The following ACRBP variants were observed in gnomAD, a reference collection of about 807,000 sequenced individuals.
The protein encoded by ACRBP is acrosin binding protein.
ACRBP carries 52 observed loss-of-function variants against 69.0 expected under a neutral mutation model. That is an observed-to-expected ratio of 0.75 (90% confidence interval 0.60 to 0.95). The LOEUF (loss-of-function observed/expected upper bound fraction) is 0.95, where lower values mean the gene tolerates loss of function less well. Among genes scored for constraint, ACRBP ranks in the 40% least tolerant of loss-of-function variants. ACRBP has a pLI of 0.00. For missense variants in ACRBP, 604 were observed against 673.0 expected (o/e 0.90, Z 1.13); for synonymous variants, 267 against 258.9 (o/e 1.03, Z -0.30).
In ACRBP at chr12:6,638,174, A is replaced by G. The variant is rs1157685669; in HGVS notation, c.*108T>C. 6.7e-7 allele frequency: 1 copy of G among 1,484,682 alleles called. No homozygotes were observed. The highest frequency in any genetic ancestry group is 9.2e-7 in the Non-Finnish European group (1 of 1,089,786). 92.0% of individuals were successfully genotyped at this position (1,484,682 alleles called of 1,614,324 possible). On this transcript the variant is annotated 3_prime_UTR_variant, in exon 10 of 10. Transcript: ENST00000229243. ...TGCTCCAACCCAAGGAAATGTGAGT[A>G]GGGGCCGAGTAACAGACCCAGAAGG...
In ACRBP at chr12:6,640,054, TC is replaced by T; in HGVS notation, c.1425+5del. The T allele has an allele frequency of 6.2e-7, 1 of 1,614,022 alleles. No individual in the cohort carries two copies. The highest frequency in any genetic ancestry group is 8.5e-7 in the Non-Finnish European group (1 of 1,179,972). ...ATGGGGCTGAGCTTTGGGGAAAGGT[TC>T]TAACCTTGGTAGGGAAATCCCCATC... is the stretch of plus-strand genomic sequence containing the variant. On this transcript the variant is annotated splice_donor_5th_base_variant and intron_variant, in intron 8 of 9. Transcript: ENST00000229243. The surrounding 1 kb of genome is among the most constrained non-coding windows in gnomAD (Gnocchi z 5.3).
At position 6,640,580 on chromosome 12, in the gene ACRBP, T is replaced by G; in HGVS notation, c.1078-58A>C. On this transcript the variant is annotated intron_variant, in intron 6 of 9. Transcript: ENST00000229243. This position sits in a 1 kb window ranked among gnomAD's most constrained non-coding sequence, Gnocchi z 5.3. ...AGAGTCAGCGGCCTGCCTTCTCCCA[T>G]GCCTCAGCCCTCCAGGGTGGGCCCT... 6.4e-7 allele frequency: 1 copy of G among 1,566,750 alleles called. No individual in the cohort carries two copies. The highest frequency in any genetic ancestry group is 1.2e-5 in the South Asian group (1 of 86,934).
chr12:6,647,220 G>T lies in ACRBP; in HGVS notation c.43+104C>A. The T allele has an allele frequency of 1.0e-5, 14 of 1,378,810 alleles. No individual in the cohort carries two copies. The South Asian group carries it at 1.7e-4, about 17-fold the overall frequency. The allele number at this position is 1,378,810 out of a possible 1,614,324, so 85.4% of individuals were successfully genotyped here. A position where few individuals can be genotyped will look rare whatever the true frequency, so the allele number is the denominator to read the frequency against. On this transcript the variant is annotated intron_variant, in intron 1 of 9. Coordinates refer to ENST00000229243, the MANE Select transcript of ACRBP (RefSeq NM_032489.3). ...CCAGGACCTAGGGAGCCGACCCAGC[G>T]CGACCACCATGAGGAAGCGATCCAG...
At position 6,647,431 on chromosome 12, in the gene ACRBP, A is replaced by C; in HGVS notation, c.-65T>G. Reference sequence around the variant, plus strand: ...GCCTCTAACGGGCCAAGCCGCAGAGAGAGCCGCAGGCGCGGGGCGGGGCGC... The same window carrying C: ...GCCTCTAACGGGCCAAGCCGCAGAGCGAGCCGCAGGCGCGGGGCGGGGCGC... On this transcript the variant is annotated 5_prime_UTR_variant, in exon 1 of 10. Transcript: ENST00000229243. The C allele has an allele frequency of 2.1e-6, 3 of 1,449,202 alleles. No individual in the cohort carries two copies. Among genetic ancestry groups the C allele is most frequent in the Non-Finnish European group, 2.8e-6 (3 of 1,089,132 alleles). 89.8% of individuals were successfully genotyped at this position (1,449,202 alleles called of 1,614,324 possible).
intron 1 of ACRBP, 125 bp from the exon 2 acceptor site, chr12:6,647,137 G>T: frequency 1.8e-6 from 2 of 1,108,528 alleles, no homozygotes; most frequent in Non-Finnish European, 2.6e-6. Context: ...ACCAGGGCGG[G>T]GGGAGTCTAG....
At chr12:6,639,368 G>A (rs1397409002) in intron 8 of ACRBP, among the ~76,000 whole-genome samples, 5 of 152,202 alleles carry the variant, frequency 3.3e-5, no homozygotes. Flanking sequence ...CTGATGTCAA[G>A]GATTTTTCTG....
In ACRBP at chr12:6,647,313, A is replaced by G; in HGVS notation, c.43+11T>C. On this transcript the variant is annotated intron_variant, in intron 1 of 9. Coordinates refer to ENST00000229243, the MANE Select transcript of ACRBP (RefSeq NM_032489.3). ...GGGGAGAGTCTGTTGGAGCAGGTGT[A>G]AACCTCTCACCCTTCAGGAGTGAGG... The G allele has an allele frequency of 1.3e-6, 2 of 1,553,096 alleles. No individual in the cohort carries two copies. Among genetic ancestry groups the G allele is most frequent in the Non-Finnish European group, 8.7e-7 (1 of 1,150,504 alleles).
intron 3 of ACRBP, 120 bp from the exon 4 acceptor site, chr12:6,645,457 G>A (rs1949080826): frequency 7.7e-6 from 6 of 780,158 alleles, no homozygotes; most frequent in Non-Finnish European, 1.3e-5. Context: ...GGGATAAAGG[G>A]ACATGGTCCC....
chr12:6,638,780 C>T, intron 9 of ACRBP, 174 bp downstream of exon 9: 2 of 1,454,682 alleles, frequency 1.4e-6, no homozygotes, highest in South Asian at 1.4e-5. Flanking sequence ...CTTGCTTCCG[C>T]CAGGACTGGA....
At chr12:6,638,710 G>T in intron 9 of ACRBP, 2 of 1,427,818 alleles carry the variant, frequency 1.4e-6, no homozygotes, top group Non-Finnish European at 1.8e-6. Flanking sequence ...CCCAGCCAAG[G>T]GTTCTTCCTG....
At chr12:6,643,386 G>A (rs970032083) in intron 6 of ACRBP, among the ~76,000 whole-genome samples, 153 bp downstream of exon 6, 5 of 152,180 alleles carry the variant, frequency 3.3e-5, no homozygotes, top group African/African-American at 1.2e-4. Flanking sequence ...GACTGGTAAT[G>A]CCCTTCCTAA....
In ACRBP at chr12:6,646,816, T is replaced by C; in HGVS notation, c.240A>G (p.Glu80=). The change falls in exon 2 of 10, where the codon GAA becomes GAG. Residue 80 remains glutamate (E), a synonymous_variant. Coordinates refer to ENST00000229243, the MANE Select transcript of ACRBP (RefSeq NM_032489.3). The part of the protein sequence containing the change: ...NPTLVQLDQY[E]NHGLVPDGAV... Reference sequence around the variant, plus strand: ...CACCATCGGGCACTAAGCCGTGGTTTTCATATTGGTCCAGCTGGACGAGTG... The same window carrying C: ...CACCATCGGGCACTAAGCCGTGGTTCTCATATTGGTCCAGCTGGACGAGTG... 1.2e-6 allele frequency: 2 copies of C among 1,613,996 alleles called. No homozygotes were observed. The highest frequency in any genetic ancestry group is 1.7e-6 in the Non-Finnish European group (2 of 1,180,004).
chr12:6,641,467 C>A (rs1160955751), intron 6 of ACRBP, among the ~76,000 whole-genome samples: 3 of 152,156 alleles, frequency 2.0e-5, no homozygotes, highest in Non-Finnish European at 4.4e-5. Context: ...TGTTGCCATT[C>A]AAGAGTTTTT....
intron 3 of ACRBP, 91 bp downstream of exon 3, chr12:6,646,392 G>T: frequency 8.6e-7 from 1 of 1,158,726 alleles, no homozygotes; most frequent in Non-Finnish European, 1.3e-6. Flanking sequence ...AGCTAAGGAT[G>T]ACTCTCCTGG....
Position 6,646,913 on chromosome 12 carries a change from G to A in ACRBP, c.143C>T (p.Ala48Val). The A allele has an allele frequency of 6.2e-7, 1 of 1,614,158 alleles. No individual in the cohort carries two copies. The highest frequency in any genetic ancestry group is 1.6e-4 in the Middle Eastern group (1 of 6,062). Residue 48 changes from alanine to valine, a missense_variant, in exon 2 of 10, where the codon GCA becomes GTA. Ala to Val is a moderately conservative substitution (Grantham distance 64). Transcript: ENST00000229243. ...LSPTEYERFFALLTPTWKAET... is the reference protein window; with the variant it reads ...LSPTEYERFFVLLTPTWKAET... Reference sequence around the variant, plus strand: ...TGCCTTCCAGGTTGGAGTCAGCAGTGCGAAGAAGCGTTCGTATTCGGTAGG... The same window carrying A: ...TGCCTTCCAGGTTGGAGTCAGCAGTACGAAGAAGCGTTCGTATTCGGTAGG...
rs141443837 is a variant in ACRBP at position 6,643,619 on chromosome 12, C to T, written c.997G>A (p.Val333Met). ...EALLVLCYSI[V>M]ENTCIITPTA... ...GGGGTTATGATGCAGGTATTCTCCACGATCGAATAGCACAGCACCAGCAAG... is the reference window on the plus strand; with the variant it reads ...GGGGTTATGATGCAGGTATTCTCCATGATCGAATAGCACAGCACCAGCAAG... Residue 333 changes from valine (V) to methionine (M), a missense_variant, in exon 6 of 10, where the codon GTG (valine) becomes ATG (methionine). Val to Met is a conservative substitution (Grantham distance 21). Around this residue, in one of 3 missense-constraint regions of ACRBP, gnomAD observed 532 missense variants for 562.9 expected, o/e 0.95. Coordinates refer to ENST00000229243, the MANE Select transcript of ACRBP (RefSeq NM_032489.3). 7.4e-6 allele frequency: 12 copies of T among 1,614,110 alleles called. No homozygotes were observed. The highest frequency in any genetic ancestry group is 2.7e-5 in the African/African-American group (2 of 74,932).
chr12:6,647,356 G>A lies in ACRBP; in HGVS notation c.11C>T (p.Pro4Leu). Reference protein sequence around the residue: MRKPAAGFLPSLLK... With the variant: MRKLAAGFLPSLLK... The stretch of plus-strand genomic sequence containing the variant: ...GAGTGAGGGAAGGAAGCCAGCGGCT[G>A]GCTTCCTCATGGCCGGAGAAGATCC... The change falls in exon 1 of 10, where the codon CCA (proline) becomes CTA (leucine). Residue 4 changes from proline (P) to leucine (L), a missense_variant. Physicochemically the swap from Pro to Leu is moderately conservative, Grantham distance 98 (BLOSUM62 -3). This residue lies in a region of ACRBP where 532 missense variants were observed against 562.9 expected (regional missense o/e 0.95). Coordinates refer to ENST00000229243, the MANE Select transcript of ACRBP (RefSeq NM_032489.3). The A allele has an allele frequency of 6.5e-7, 1 of 1,542,384 alleles. No individual in the cohort carries two copies. The highest frequency in any genetic ancestry group is 8.7e-7 in the Non-Finnish European group (1 of 1,143,302).
chr12:6,647,188 G>C, intron 1 of ACRBP, 136 bp downstream of exon 1: 2 of 1,162,370 alleles, frequency 1.7e-6, no homozygotes, highest in South Asian at 1.4e-5. Context: ...GGGGAGATGG[G>C]AGTATCCCAG....
Position 6,644,278 on chromosome 12 carries a change from A to G in ACRBP, c.803T>C (p.Phe268Ser), listed in dbSNP as rs767874427. The G allele has an allele frequency of 6.2e-7, 1 of 1,614,120 alleles. No homozygotes were observed. The highest frequency in any genetic ancestry group is 1.1e-5 in the South Asian group (1 of 91,084). Residue 268 changes from phenylalanine to serine, a missense_variant, in exon 5 of 10, where the codon TTT (phenylalanine) becomes TCT (serine). Phe to Ser is a radical substitution (Grantham distance 155). Transcript: ENST00000229243. ...SESLSSNPSSFAPRVREVEST... is the reference protein window; with the variant it reads ...SESLSSNPSSSAPRVREVEST... ...CTCTACTTCTCGTACCCGGGGAGCA[A>G]AAGAGGAAGGGTTAGAAGATAGAGA... is the stretch of plus-strand genomic sequence containing the variant.
Sources: allele counts gnomAD v4.1 joint callset (sites outside exome capture counted in the v4.1 genomes callset), GRCh38; gene constraint gnomAD v4.1.1; regional missense constraint gnomAD v4.1.1; non-coding constraint Gnocchi (gnomAD v3.1); transcripts MANE v1.5; gene names NCBI Gene and HGNC (gene_info 2026-07-23, HGNC 2026-07-21).